The following INSYN2B variants were observed in gnomAD, a reference collection of about 807,000 sequenced individuals.
INSYN2B encodes inhibitory synaptic factor family member 2B, also known as protein INSYN2B.
A neutral mutation model predicts 41.2 loss-of-function variants in INSYN2B; 16 were observed. That is an observed-to-expected ratio of 0.39 (90% CI 0.26 to 0.59). The LOEUF (loss-of-function observed/expected upper bound fraction) is 0.59. Ranked by LOEUF, INSYN2B falls within the 20% of genes least tolerant of loss-of-function variation. INSYN2B has a pLI of 0.57. For missense variants in INSYN2B, 608 were observed against 646.4 expected, an observed-to-expected ratio of 0.94 and a Z score of 0.64; for synonymous variants, 245 against 244.4, an observed-to-expected ratio of 1.00 and a Z score of -0.02.
intron 3 of INSYN2B, among the ~76,000 whole-genome samples, chr5:169,877,950 G>A (rs1343816218): frequency 6.6e-6 from 1 of 152,062 alleles, no homozygotes; most frequent in Non-Finnish European, 1.5e-5. Flanking sequence ...GAGATGAAAA[G>A]TTTTCTGGGA....
At chr5:169,876,749 C>T (rs1033532526) in intron 3 of INSYN2B, among the ~76,000 whole-genome samples, 1 of 152,192 alleles carries the variant, frequency 6.6e-6, no homozygotes, top group Non-Finnish European at 1.5e-5. Context: ...TTTGCTTAAT[C>T]CTTCATTTCC....
chr5:169,966,101 A>G (rs1777287861), intron 1 of INSYN2B, among the ~76,000 whole-genome samples: 1 of 152,260 alleles, frequency 6.6e-6, no homozygotes, highest in Non-Finnish European at 1.5e-5. Context: ...GCAACAGAAC[A>G]TACTTTGAAG....
At chr5:169,948,370 G>T (rs567638309) in intron 1 of INSYN2B, among the ~76,000 whole-genome samples, 2 of 152,060 alleles carry the variant, frequency 1.3e-5, no homozygotes, top group Non-Finnish European at 2.9e-5. Flanking sequence ...GAGATGGGTA[G>T]GGGGAGAATG....
intron 1 of INSYN2B, among the ~76,000 whole-genome samples, chr5:169,929,083 A>T (rs1294561727): frequency 6.6e-6 from 1 of 152,210 alleles, no homozygotes; most frequent in Non-Finnish European, 1.5e-5. Flanking sequence ...GGCCAGGTAG[A>T]CTGAAGTTCT....
chr5:169,968,510 G>A (rs1777381731), intron 1 of INSYN2B, among the ~76,000 whole-genome samples: 1 of 152,160 alleles, frequency 6.6e-6, no homozygotes, highest in Non-Finnish European at 1.5e-5. Context: ...GAAACATTGG[G>A]GGGTCAATGT....
chr5:169,881,475 T>C (rs1457166305), intron 2 of INSYN2B, 33 bp from the exon 3 acceptor site: 21 of 1,528,050 alleles, frequency 1.4e-5, no homozygotes, highest in Non-Finnish European at 1.9e-5. Flanking sequence ...GATAAATCTA[T>C]GGGCAAAAGT....
At position 169,862,193 on chromosome 5, in the gene INSYN2B, A is replaced by G. The variant is rs958162510; in HGVS notation, c.*2080T>C. Among the ~76,000 whole-genome samples the G allele has an allele frequency of 1.2e-4, 18 of 152,340 alleles. No homozygotes were observed. The highest frequency in any genetic ancestry group is 4.3e-4 in the African/African-American group (18 of 41,586). On this transcript the variant is annotated 3_prime_UTR_variant, in exon 4 of 4. Transcript: ENST00000377365. The stretch of plus-strand genomic sequence containing the variant: ...CTAAGAGTTTATAAAGTAGGAAAGC[A>G]TATGTTCTTATCTGTATTCAAGAAT...
intron 1 of INSYN2B, among the ~76,000 whole-genome samples, chr5:169,896,186 G>C (rs945444417): frequency 1.3e-5 from 2 of 152,096 alleles, no homozygotes; most frequent in African/African-American, 4.8e-5. Context: ...GTCGGGGGGC[G>C]GGGAGGCAGT....
chr5:169,959,773 TC>T (rs1777008388), intron 1 of INSYN2B, among the ~76,000 whole-genome samples: 2 of 152,166 alleles, frequency 1.3e-5, no homozygotes, highest in Non-Finnish European at 2.9e-5. Context: ...TCATCGTAGA[TC>T]TAGAGAGATC....
At chr5:169,949,199 C>T (rs1200031935) in intron 1 of INSYN2B, among the ~76,000 whole-genome samples, 1 of 152,218 alleles carries the variant, frequency 6.6e-6, no homozygotes, top group Non-Finnish European at 1.5e-5. Flanking sequence ...ATCAATTCAA[C>T]TCCACAAGCA....
chr5:169,946,538 G>A (rs557536572), intron 1 of INSYN2B, among the ~76,000 whole-genome samples: 7 of 152,192 alleles, frequency 4.6e-5, no homozygotes, highest in Non-Finnish European at 7.3e-5. Flanking sequence ...CAAAGAACTG[G>A]GGGATCTGGC....
intron 1 of INSYN2B, among the ~76,000 whole-genome samples, chr5:169,897,990 A>T (rs769445175): frequency 8.5e-5 from 13 of 152,240 alleles, no homozygotes; most frequent in Non-Finnish European, 1.2e-4. Flanking sequence ...ATCACTTTTT[A>T]AAATGATTCT....
At chr5:169,943,387 G>C (rs543405580) in intron 1 of INSYN2B, among the ~76,000 whole-genome samples, 5 of 151,926 alleles carry the variant, frequency 3.3e-5, no homozygotes, top group African/African-American at 1.2e-4. Flanking sequence ...TGTGGCCCGC[G>C]GGCCATATTC....
chr5:169,934,062 G>A (rs1204548187), intron 1 of INSYN2B, among the ~76,000 whole-genome samples: 1 of 152,186 alleles, frequency 6.6e-6, no homozygotes, highest in African/African-American at 2.4e-5. Context: ...ACTGCTCATT[G>A]ATCAGTGGTC....
chr5:169,919,467 G>T (rs1262821511), intron 1 of INSYN2B, among the ~76,000 whole-genome samples: 1 of 152,116 alleles, frequency 6.6e-6, no homozygotes, highest in Non-Finnish European at 1.5e-5. Context: ...ATCATTAATT[G>T]ACCCCAGGCT....
chr5:169,954,248 C>T (rs889008355), intron 1 of INSYN2B, among the ~76,000 whole-genome samples: 7 of 152,176 alleles, frequency 4.6e-5, no homozygotes, highest in African/African-American at 1.7e-4. Flanking sequence ...AATCGCTGGA[C>T]ATTTTTGAAA....
intron 1 of INSYN2B, among the ~76,000 whole-genome samples, chr5:169,976,519 C>G (rs1480176894): frequency 6.6e-6 from 1 of 152,130 alleles, no homozygotes; most frequent in Non-Finnish European, 1.5e-5. Context: ...AATTTTCTTT[C>G]CTTCCACTTC....
chr5:169,865,329 G>A (rs1771479416), intron 3 of INSYN2B, among the ~76,000 whole-genome samples: 2 of 152,158 alleles, frequency 1.3e-5, no homozygotes, highest in South Asian at 4.1e-4. Flanking sequence ...GGGGAGGTGG[G>A]CGTTGAACAG....
At chr5:169,969,155 G>A (rs573622267) in intron 1 of INSYN2B, among the ~76,000 whole-genome samples, 1 of 151,592 alleles carries the variant, frequency 6.6e-6, no homozygotes, top group East Asian at 2.0e-4. Flanking sequence ...TTTCAAAAAA[G>A]AAAAAATGGC....
Sources: allele counts gnomAD v4.1 joint callset (sites outside exome capture counted in the v4.1 genomes callset), GRCh38; gene constraint gnomAD v4.1.1; transcripts MANE v1.5; gene names NCBI Gene and HGNC (gene_info 2026-07-23, HGNC 2026-07-21).